The following ABI2 variants were observed in gnomAD, a reference collection of about 807,000 sequenced individuals.
ABI2 encodes abelson interactor 2.
A neutral mutation model predicts 59.2 loss-of-function variants in ABI2; 25 were observed. That is an observed-to-expected ratio of 0.42 (90% CI 0.31 to 0.59). ABI2 has a LOEUF of 0.59. Ranked by LOEUF, ABI2 falls within the 20% of genes least tolerant of loss-of-function variation. The pLI, the probability that ABI2 is intolerant of heterozygous loss-of-function variation, is 0.14. For missense variants in ABI2, 545 were observed against 681.8 expected (o/e 0.80, Z 2.23); for synonymous variants, 213 against 235.5 (o/e 0.90, Z 0.87).
intron 2 of ABI2, among the ~76,000 whole-genome samples, chr2:203,379,706 T>G (rs7588790): frequency 6.6e-6 from 1 of 151,980 alleles, no homozygotes. Flanking sequence ...AAAATTAGCA[T>G]GCTTTAACCC....
Position 203,429,511 on chromosome 2 carries a change from C to G in ABI2, c.*2159C>G, listed in dbSNP as rs563086086. The G allele has an allele frequency of 6.6e-6, 1 of 152,284 alleles. No homozygotes were observed. Among genetic ancestry groups the G allele is most frequent in the East Asian group, 1.9e-4 (1 of 5,182 alleles). The allele number at this position is 152,284 out of a possible 1,614,324, so 9.4% of individuals were successfully genotyped here. ...TGGTGGCTTATGCCTGTAATCCCAGCACTTTCGGAGGCCGAGGTGGGTGGA... is the reference window on the plus strand; with the variant it reads ...TGGTGGCTTATGCCTGTAATCCCAGGACTTTCGGAGGCCGAGGTGGGTGGA... On this transcript the variant is annotated 3_prime_UTR_variant, in exon 12 of 12. Coordinates refer to ENST00000261018, the MANE Select transcript of ABI2 (RefSeq NM_001375670.1).
In ABI2 at chr2:203,340,371, AT is replaced by A. The variant is rs138325801; in HGVS notation, c.117+11753del. Among the ~76,000 whole-genome samples the A allele has an allele frequency of 1.9e-3, 272 of 146,328 alleles. 7 individuals carry two copies. Among genetic ancestry groups the A allele is most frequent in the Non-Finnish European group, 1.4e-3 (94 of 65,930 alleles). The stretch of plus-strand genomic sequence containing the variant: ...TACTTGAAATTTACTAAGTCAGTAG[AT>A]TTTTTTTTTTTTGAGACAGCGTCTT... On this transcript the variant is annotated intron_variant, in intron 1 of 11. Transcript: ENST00000261018.
intron 1 of ABI2, among the ~76,000 whole-genome samples, chr2:203,336,857 A>T (rs903669350): frequency 2.0e-5 from 3 of 152,218 alleles, no homozygotes; most frequent in Non-Finnish European, 4.4e-5. Context: ...GTTTAGTTTT[A>T]TACAAATTGC....
chr2:203,423,219 T>C (rs1459424356), intron 11 of ABI2, among the ~76,000 whole-genome samples: 1 of 152,232 alleles, frequency 6.6e-6, no homozygotes, highest in Non-Finnish European at 1.5e-5. Flanking sequence ...TGTATTTAAG[T>C]TACCTTTATT....
In ABI2 at chr2:203,386,126, G is replaced by A. The variant is rs569746057; in HGVS notation, c.480+3920G>A. ...AGAGAGGGATAGAGGTCTCTAGAAAGCCAAATAATTATGTACTAGATGGGA... is the reference window on the plus strand; with the variant it reads ...AGAGAGGGATAGAGGTCTCTAGAAAACCAAATAATTATGTACTAGATGGGA... On this transcript the variant is annotated intron_variant, in intron 4 of 11. Coordinates refer to ENST00000261018, the MANE Select transcript of ABI2 (RefSeq NM_001375670.1). 4.6e-5 allele frequency among the ~76,000 whole-genome samples: 7 copies of A among 152,250 alleles called. No homozygotes were observed. The South Asian group carries it at 1.5e-3, about 32-fold the overall frequency.
chr2:203,335,417 C>T (rs1023074067), intron 1 of ABI2, among the ~76,000 whole-genome samples: 1 of 152,054 alleles, frequency 6.6e-6, no homozygotes, highest in Non-Finnish European at 1.5e-5. Context: ...GCCACCATGC[C>T]CAGCTAATTT....
At chr2:203,414,426 T>A (rs2097804286) in intron 10 of ABI2, among the ~76,000 whole-genome samples, 1 of 152,044 alleles carries the variant, frequency 6.6e-6, no homozygotes, top group Non-Finnish European at 1.5e-5. Flanking sequence ...GTATCTGACA[T>A]GAAATATCAA....
intron 1 of ABI2, among the ~76,000 whole-genome samples, chr2:203,348,914 TTTG>T (rs2085610530): frequency 6.6e-6 from 1 of 152,006 alleles, no homozygotes; most frequent in Admixed American, 6.6e-5. Context: ...GGTGTTTTTT[TTTG>T]TTTTTTGTTT....
intron 1 of ABI2, among the ~76,000 whole-genome samples, chr2:203,346,646 T>C (rs779955780): frequency 6.6e-6 from 1 of 152,244 alleles, no homozygotes; most frequent in African/African-American, 2.4e-5. Context: ...AAACTTGTGC[T>C]GTTCTCTTTC....
intron 10 of ABI2, 100 bp downstream of exon 10, chr2:203,411,471 C>T (rs2097673353): frequency 1.1e-6 from 1 of 911,090 alleles, no homozygotes; most frequent in South Asian, 1.6e-5. Context: ...GATACTTCAA[C>T]ATTTCAATAT....
At chr2:203,366,792 CGTT>C (rs1446076951) in intron 1 of ABI2, 82 bp from the exon 2 acceptor site, 8 of 1,320,214 alleles carry the variant, frequency 6.1e-6, no homozygotes, top group African/African-American at 3.0e-5. Flanking sequence ...TCAGCAGAAT[CGTT>C]GTGATGAGTT....
chr2:203,379,966 C>G (rs1393606715), intron 2 of ABI2, among the ~76,000 whole-genome samples: 1 of 152,100 alleles, frequency 6.6e-6, no homozygotes, highest in Non-Finnish European at 1.5e-5. Flanking sequence ...ATGTAAACAC[C>G]ACTCTTAGCT....
chr2:203,406,923 C>T (rs1283312771), intron 9 of ABI2, among the ~76,000 whole-genome samples: 1 of 152,104 alleles, frequency 6.6e-6, no homozygotes, highest in Non-Finnish European at 1.5e-5. Context: ...TCTGGCGTAA[C>T]AAAGGTCATC....
Position 203,391,096 on chromosome 2 carries a change from A to C in ABI2, c.531A>C (p.Pro177=), listed in dbSNP as rs147307505. Residue 177 remains proline, a synonymous_variant, in exon 5 of 12, where the codon CCA becomes CCC. Coordinates refer to ENST00000261018, the MANE Select transcript of ABI2 (RefSeq NM_001375670.1). ...GTGGGCTGCCGCGTACAACACCTCC[A>C]ACTCAGAAGCCCCCTAGTCCCCCTA... The part of the protein sequence containing the change: ...KMGGLPRTTP[P]TQKPPSPPMS... 38 of 1,613,870 alleles carry C rather than the reference A, an allele frequency of 2.4e-5. No homozygotes were observed. The African/African-American group carries it at 4.1e-4, about 18-fold the overall frequency.
intron 11 of ABI2, among the ~76,000 whole-genome samples, chr2:203,417,385 T>A (rs1358091853): frequency 6.6e-6 from 1 of 152,254 alleles, no homozygotes; most frequent in Non-Finnish European, 1.5e-5. Flanking sequence ...TTCCACATTA[T>A]TATTCCTACC....
chr2:203,349,906 T>C (rs2086599967), intron 1 of ABI2, among the ~76,000 whole-genome samples: 1 of 152,168 alleles, frequency 6.6e-6, no homozygotes, highest in Admixed American at 6.5e-5. Context: ...CTTTGGGGTA[T>C]ATACCTAAGA....
At chr2:203,352,074 GAC>G (rs1291582347) in intron 1 of ABI2, among the ~76,000 whole-genome samples, 3 of 152,134 alleles carry the variant, frequency 2.0e-5, no homozygotes, top group African/African-American at 7.2e-5. Flanking sequence ...AAAGGCAGAA[GAC>G]ACACACATCA....
At chr2:203,388,119 G>T (rs1460150759) in intron 4 of ABI2, among the ~76,000 whole-genome samples, 2 of 151,984 alleles carry the variant, frequency 1.3e-5, no homozygotes, top group African/African-American at 4.8e-5. Context: ...CTTCAAATTT[G>T]ATGGCAGTAT....
intron 10 of ABI2, among the ~76,000 whole-genome samples, chr2:203,411,755 A>G (rs1379570755): frequency 6.6e-6 from 1 of 152,156 alleles, no homozygotes; most frequent in African/African-American, 2.4e-5. Context: ...GTGATTCCAG[A>G]TATCAGAAGG....
Sources: allele counts gnomAD v4.1 joint callset (sites outside exome capture counted in the v4.1 genomes callset), GRCh38; gene constraint gnomAD v4.1.1; transcripts MANE v1.5; gene names NCBI Gene and HGNC (gene_info 2026-07-23, HGNC 2026-07-21).